Variants in FAM20C observed in about 807,000 individuals in gnomAD.
FAM20C encodes FAM20C golgi associated secretory pathway kinase.
FAM20C carries 40 observed loss-of-function variants against 51.5 expected under a neutral mutation model. That is an observed-to-expected ratio of 0.78 (90% CI 0.60 to 1.01). The LOEUF (loss-of-function observed/expected upper bound fraction) is 1.01, where lower values mean the gene tolerates loss of function less well. Ranked by LOEUF, FAM20C falls within the 50% of genes least tolerant of loss-of-function variation. FAM20C has a pLI of 0.00. For synonymous variants in FAM20C, 406 were observed against 380.6 expected (o/e 1.07, Z -0.78); for missense variants, 861 against 844.7 (o/e 1.02, Z -0.24).
intron 3 of FAM20C, among the ~76,000 whole-genome samples, chr7:212,450 A>G (rs28572671): frequency 6.6e-6 from 1 of 152,140 alleles, no homozygotes; most frequent in Non-Finnish European, 1.5e-5. Context: ...GGGACAGAAC[A>G]AGACTCCGTC....
chr7:255,241 C>G (rs777875999), intron 5 of FAM20C, among the ~76,000 whole-genome samples: 1 of 152,188 alleles, frequency 6.6e-6, no homozygotes, highest in Non-Finnish European at 1.5e-5. Context: ...CCCGTCCCAG[C>G]CGGCAGCTGC....
At chr7:253,733 C>T (rs1788489383) in intron 5 of FAM20C, among the ~76,000 whole-genome samples, 1 of 152,098 alleles carries the variant, frequency 6.6e-6, no homozygotes, top group Non-Finnish European at 1.5e-5. Flanking sequence ...CCTAACCCCG[C>T]CCGGGAGGCC....
chr7:237,828 A>G, intron 3 of FAM20C, among the ~76,000 whole-genome samples: 2 of 130,954 alleles, frequency 1.5e-5, no homozygotes, highest in African/African-American at 2.9e-5. Flanking sequence ...TGGTAGAGGT[A>G]ATAGTGATAG....
intron 3 of FAM20C, chr7:228,981 C>A (rs759021755): frequency 5.3e-6 from 2 of 377,648 alleles, no homozygotes; most frequent in South Asian, 3.8e-5. Context: ...GGGTGAGTAG[C>A]GACACCAGGA....
At chr7:204,286 C>T (rs1385242716) in intron 2 of FAM20C, among the ~76,000 whole-genome samples, 2 of 152,188 alleles carry the variant, frequency 1.3e-5, no homozygotes, top group Non-Finnish European at 2.9e-5. Context: ...TGCTGGCCCG[C>T]CTGAGGCTGG....
At chr7:204,690 C>A (rs1358540071) in intron 2 of FAM20C, among the ~76,000 whole-genome samples, 19 of 152,268 alleles carry the variant, frequency 1.2e-4, no homozygotes, top group African/African-American at 4.6e-4. Flanking sequence ...CACACTGCCG[C>A]TGTTCTCAGT....
intron 2 of FAM20C, among the ~76,000 whole-genome samples, chr7:201,777 G>A (rs1377115902): frequency 6.6e-6 from 1 of 152,220 alleles, no homozygotes; most frequent in Non-Finnish European, 1.5e-5. Context: ...CATCGCCTCT[G>A]TCTCGTGCTG....
Position 193,308 on chromosome 7 carries a change from GGC to G in FAM20C, c.115_116del (p.Arg39AlafsTer169). ...LDLLPRLERR[G>X]ARPSGEPGCS... ...CCTGCTGCCCAGGCTGGAGCGACGC[GGC>G]GCGCGGCCCTCGGGGGAGCCCGGCT... On this transcript the variant is annotated frameshift_variant, in exon 1 of 10. Transcript: ENST00000313766. LOFTEE classifies it high-confidence loss of function. 1 of 1,408,170 alleles carries G rather than the reference GGC, an allele frequency of 7.1e-7. No homozygotes were observed. Among genetic ancestry groups the G allele is most frequent in the Non-Finnish European group, 9.3e-7 (1 of 1,073,800 alleles). The allele number at this position is 1,408,170 out of a possible 1,614,324, so 87.2% of individuals were successfully genotyped here.
rs1788829721 is a variant in FAM20C at position 260,303 on chromosome 7, G to A, written c.*323G>A. On this transcript the variant is annotated 3_prime_UTR_variant, in exon 10 of 10. Coordinates refer to ENST00000313766, the MANE Select transcript of FAM20C (RefSeq NM_020223.4). Reference sequence around the variant, plus strand: ...TATTTGATGAATAAGTATATAAACAGAGACGTGTACACAGATGCCAATCAC... The same window carrying A: ...TATTTGATGAATAAGTATATAAACAAAGACGTGTACACAGATGCCAATCAC... 4.0e-6 allele frequency: 1 copy of A among 249,720 alleles called. No homozygotes were observed. The highest frequency in any genetic ancestry group is 1.0e-4 in the South Asian group (1 of 9,562). The allele number at this position is 249,720 out of a possible 1,614,324, so 15.5% of individuals were successfully genotyped here.
intron 8 of FAM20C, chr7:257,406 T>C: frequency 3.3e-6 from 1 of 298,716 alleles, no homozygotes; most frequent in Non-Finnish European, 6.2e-6. Context: ...GATGGGCCTC[T>C]GCCTGCACGC....
rs1038527365 is a variant in FAM20C at position 230,378 on chromosome 7, G to C, written c.864-16037G>C. Among the ~76,000 whole-genome samples, 13 of 106,110 alleles carry C rather than the reference G, an allele frequency of 1.2e-4. 3 individuals carry two copies. Among genetic ancestry groups the C allele is most frequent in the Admixed American group, 8.7e-5 (1 of 11,534 alleles). The allele number at this position is 106,110 out of a possible 152,430, so 69.6% of individuals were successfully genotyped here. On this transcript the variant is annotated intron_variant, in intron 3 of 9. Coordinates refer to ENST00000313766, the MANE Select transcript of FAM20C (RefSeq NM_020223.4). ...TCTTGTCCCCAGGACGGGGTGGGGG[G>C]GGGGGGGAACAGATCCCCGTGGCTT...
At chr7:204,810 G>A (rs1786275493) in intron 2 of FAM20C, among the ~76,000 whole-genome samples, 1 of 152,176 alleles carries the variant, frequency 6.6e-6, no homozygotes, top group Non-Finnish European at 1.5e-5. Flanking sequence ...GGCCTTCGCT[G>A]TGCTGTGTCC....
Position 216,870 on chromosome 7 carries a change from C to G in FAM20C, c.863+7894C>G, listed in dbSNP as rs146533675. On this transcript the variant is annotated intron_variant, in intron 3 of 9. Coordinates refer to ENST00000313766, the MANE Select transcript of FAM20C (RefSeq NM_020223.4). ...ATTTCTAGATGCAGAAACTTTAGCCCTCCTTCCGGGCTCTGACAACACATG... is the reference window on the plus strand; with the variant it reads ...ATTTCTAGATGCAGAAACTTTAGCCGTCCTTCCGGGCTCTGACAACACATG... Among the ~76,000 whole-genome samples, 289 of 152,206 alleles carry G rather than the reference C, an allele frequency of 1.9e-3. 1 individual carries two copies. The highest frequency in any genetic ancestry group is 6.5e-3 in the African/African-American group (271 of 41,488).
chr7:201,890 G>A (rs1262719206), intron 2 of FAM20C, among the ~76,000 whole-genome samples: 2 of 152,196 alleles, frequency 1.3e-5, no homozygotes, highest in East Asian at 3.8e-4. Context: ...AAGGCACAGG[G>A]CACTCTGTTC....
chr7:256,699 G>T lies in FAM20C; in HGVS notation c.1299G>T (p.Pro433=), dbSNP rs568534039. Residue 433 remains proline, a synonymous_variant, in exon 7 of 10, where the codon CCG becomes CCT. Transcript: ENST00000313766. ...PDYCEEVKQT[P]PYDSSHRILD... is the part of the protein sequence containing the mutation. ...ACTGCGAGGAGGTGAAGCAGACACC[G>T]CCCTACGACAGCAGCCACCGCATCC... 1 of 1,536,114 alleles carries T rather than the reference G, an allele frequency of 6.5e-7. No homozygotes were observed. The highest frequency in any genetic ancestry group is 8.7e-7 in the Non-Finnish European group (1 of 1,146,826).
At chr7:251,538 G>A (rs138491404) in intron 5 of FAM20C, among the ~76,000 whole-genome samples, 1 of 152,038 alleles carries the variant, frequency 6.6e-6, no homozygotes, top group Non-Finnish European at 1.5e-5. Context: ...AAAAGACTGA[G>A]TTGATTATTA....
At chr7:219,490 G>T (rs1466780546) in intron 3 of FAM20C, among the ~76,000 whole-genome samples, 2 of 152,110 alleles carry the variant, frequency 1.3e-5, no homozygotes, top group African/African-American at 4.8e-5. Context: ...TGAGGGAGGC[G>T]CGTTCCCTCT....
At chr7:217,858 AGAGGAAGAGGG>A (rs1374345297) in intron 3 of FAM20C, among the ~76,000 whole-genome samples, 1 of 152,176 alleles carries the variant, frequency 6.6e-6, no homozygotes, top group African/African-American at 2.4e-5. Flanking sequence ...GGCCACCCTC[AGAGGAAGAGGG>A]GCCTGGCTGA....
chr7:202,156 T>G (rs367671011), intron 2 of FAM20C, among the ~76,000 whole-genome samples: 13 of 152,104 alleles, frequency 8.5e-5, no homozygotes, highest in African/African-American at 2.7e-4. Flanking sequence ...GAGAACCTAT[T>G]TGAAAGGCAG....
Sources: allele counts gnomAD v4.1 joint callset (sites outside exome capture counted in the v4.1 genomes callset), GRCh38; gene constraint gnomAD v4.1.1; transcripts MANE v1.5; gene names NCBI Gene and HGNC (gene_info 2026-07-23, HGNC 2026-07-21).